Variants in LPIN1 observed in about 807,000 individuals in gnomAD.
LPIN1 encodes the protein phosphatidate phosphatase LPIN1.
Under a neutral mutation model 107.5 loss-of-function variants are expected in LPIN1, and 71 were observed. The ratio of observed to expected loss-of-function variants is 0.66; its 90% CI spans 0.55 to 0.80. LPIN1 has a LOEUF of 0.80. Among genes scored for constraint, LPIN1 ranks in the 30% least tolerant of loss-of-function variants. The pLI is 0.00. For missense variants in LPIN1, 1,043 were observed against 1,160.6 expected, an observed-to-expected ratio of 0.90 and a Z score of 1.47; for synonymous variants, 445 against 452.6, an observed-to-expected ratio of 0.98 and a Z score of 0.21.
At chr2:11,714,239 G>A (rs568732041) in intron 2 of LPIN1, among the ~76,000 whole-genome samples, 1 of 152,216 alleles carries the variant, frequency 6.6e-6, no homozygotes. Flanking sequence ...AGCCCCTCAA[G>A]GCCCTTCCCC....
chr2:11,705,116 A>G lies in LPIN1; in HGVS notation c.82-8640A>G, dbSNP rs1414418214. On this transcript the variant is annotated intron_variant, in intron 1 of 21. Coordinates refer to the LPIN1 transcript ENST00000449576. ...TTTTCACTGGGAAAATTTGATGAAT[A>G]AAGCCATCTCCAGCCCCCTCCCATA... Among the ~76,000 whole-genome samples, 3 of 152,206 alleles carry G rather than the reference A, an allele frequency of 2.0e-5. No individual in the cohort carries two copies. The East Asian group carries it at 5.8e-4, about 29-fold the overall frequency.
rs1682209923 is a variant in LPIN1, at chr2:11,825,157, C to T, written c.*366C>T. 2 of 337,840 alleles carry T rather than the reference C, an allele frequency of 5.9e-6. No homozygotes were observed. Among genetic ancestry groups the T allele is most frequent in the South Asian group, 5.5e-5 (2 of 36,594 alleles). 20.9% of individuals were successfully genotyped at this position (337,840 alleles called of 1,614,324 possible). A position where few individuals can be genotyped will look rare whatever the true frequency, so the allele number is the denominator to read the frequency against. On this transcript the variant is annotated 3_prime_UTR_variant, in exon 21 of 21. Coordinates refer to ENST00000674199, the MANE Select transcript of LPIN1 (RefSeq NM_001349206.2). This position sits in a 1 kb window ranked among gnomAD's most constrained non-coding sequence, Gnocchi z 4.1. Reference sequence around the variant, plus strand: ...AGAAGGCGGCTGTCTGAGGGCTGTCCCCGCCTAGGACAGGGTCAATCGAGG... The same window carrying T: ...AGAAGGCGGCTGTCTGAGGGCTGTCTCCGCCTAGGACAGGGTCAATCGAGG...
At chr2:11,724,543 C>G in intron 1 of LPIN1, 1 of 985,642 alleles carries the variant, frequency 1.0e-6, no homozygotes, top group Non-Finnish European at 1.2e-6. Context: ...GACCCAGGTT[C>G]GCATGAGCAG....
At chr2:11,812,376 A>G (rs969966369) in intron 17 of LPIN1, among the ~76,000 whole-genome samples, 3 of 151,798 alleles carry the variant, frequency 2.0e-5, no homozygotes, top group South Asian at 2.1e-4. Flanking sequence ...CAGTGCTAGG[A>G]GGAGAGGGAA....
chr2:11,776,047 T>A (rs1277393247), intron 5 of LPIN1, 39 bp from the exon 6 acceptor site: 1 of 1,179,824 alleles, frequency 8.5e-7, no homozygotes, highest in South Asian at 1.4e-5. Context: ...ACCTCTGATT[T>A]TGTCTTTCTT....
rs1034326065 is a variant in LPIN1, at chr2:11,707,409, T to A, written c.82-6347T>A. On this transcript the variant is annotated intron_variant, in intron 1 of 21. Transcript: ENST00000449576. This position sits in a 1 kb window ranked among gnomAD's most constrained non-coding sequence, Gnocchi z 4.2. ...TGGATGATGAAGAGGTGGCAGGAGGTGAGTCCGGAACCGTGGCCAGACCCC... is the reference window on the plus strand; with the variant it reads ...TGGATGATGAAGAGGTGGCAGGAGGAGAGTCCGGAACCGTGGCCAGACCCC... 2.6e-5 allele frequency among the ~76,000 whole-genome samples: 4 copies of A among 152,014 alleles called. No individual in the cohort carries two copies. Among genetic ancestry groups the A allele is most frequent in the Non-Finnish European group, 5.9e-5 (4 of 67,996 alleles).
intron 1 of LPIN1, among the ~76,000 whole-genome samples, chr2:11,739,865 C>T (rs867858322): frequency 2.6e-5 from 4 of 152,098 alleles, no homozygotes; most frequent in Admixed American, 6.5e-5. Context: ...TAACCATATG[C>T]GAATGACATT....
In LPIN1 at chr2:11,707,675, T is replaced by C. The variant is rs962084817; in HGVS notation, c.82-6081T>C. 1.2e-4 allele frequency among the ~76,000 whole-genome samples: 18 copies of C among 152,056 alleles called. No homozygotes were observed. Among genetic ancestry groups the C allele is most frequent in the Non-Finnish European group, 2.2e-4 (15 of 67,994 alleles). On this transcript the variant is annotated intron_variant, in intron 1 of 21. Transcript: ENST00000449576. This position sits in a 1 kb window ranked among gnomAD's most constrained non-coding sequence, Gnocchi z 4.2. ...GGGAGAAGTGCTCGGGGTCCCCCACTGGAGGTGGAGCTGCAGGATTTGCTT... is the reference window on the plus strand; with the variant it reads ...GGGAGAAGTGCTCGGGGTCCCCCACCGGAGGTGGAGCTGCAGGATTTGCTT...
chr2:11,789,120 A>T (rs539758587), intron 12 of LPIN1, among the ~76,000 whole-genome samples: 2 of 152,200 alleles, frequency 1.3e-5, no homozygotes, highest in Non-Finnish European at 2.9e-5. Flanking sequence ...TGCTGCAGAG[A>T]CTGCCTTAGG....
At chr2:11,802,492 A>G (rs1418631821) in intron 14 of LPIN1, among the ~76,000 whole-genome samples, 1 of 152,142 alleles carries the variant, frequency 6.6e-6, no homozygotes, top group Non-Finnish European at 1.5e-5. Flanking sequence ...CGAGCTTTAT[A>G]TAGGGAACTG....
At chr2:11,820,034 G>A (rs1681249965) in intron 19 of LPIN1, among the ~76,000 whole-genome samples, 1 of 152,152 alleles carries the variant, frequency 6.6e-6, no homozygotes, top group Non-Finnish European at 1.5e-5. Flanking sequence ...CGCATTTACT[G>A]GAAAGCTAAG....
At chr2:11,703,138 G>A (rs947924480) in intron 1 of LPIN1, among the ~76,000 whole-genome samples, 2 of 152,122 alleles carry the variant, frequency 1.3e-5, no homozygotes, top group African/African-American at 4.8e-5. Context: ...TGTAATAAAG[G>A]CATTGAAAAA....
chr2:11,794,532 A>G (rs541756564), intron 13 of LPIN1, among the ~76,000 whole-genome samples: 5 of 152,354 alleles, frequency 3.3e-5, no homozygotes, highest in African/African-American at 1.2e-4. Context: ...GGATATTTGA[A>G]CTTAGTTCAT....
rs1475167331 is a variant in LPIN1, at chr2:11,759,140, T to G, written c.-9-6393T>G. 6.5e-3 allele frequency among the ~76,000 whole-genome samples: 544 copies of G among 83,506 alleles called. 2 individuals are homozygous for G. Among genetic ancestry groups the G allele is most frequent in the South Asian group, 0.022 (58 of 2,670 alleles). 54.8% of individuals were successfully genotyped at this position (83,506 alleles called of 152,430 possible). On this transcript the variant is annotated intron_variant, in intron 1 of 20. Coordinates refer to ENST00000674199, the MANE Select transcript of LPIN1 (RefSeq NM_001349206.2). ...GCTAGCTTGCTTTCTTTCTTTTCTT[T>G]CTTTCTTTCTTTCTTTCTTTCTTTC...
rs370470674 is a variant in LPIN1, at chr2:11,795,482, C to G, written c.1881C>G (p.Ala627=). ...TGEQPPQLSL[A]TRVKHESSSS... ...AGCAACCGCCGCAGCTCAGCTTGGC[C>G]ACCAGGTGCGGTAGGAGGCTTCTTG... The change falls in exon 14 of 21, where the codon GCC becomes GCG. Residue 627 remains alanine, a synonymous_variant. Coordinates refer to ENST00000674199, the MANE Select transcript of LPIN1 (RefSeq NM_001349206.2). The G allele has an allele frequency of 7.4e-6, 12 of 1,613,938 alleles. No individual in the cohort carries two copies. The African/African-American group carries it at 1.6e-4, about 22-fold the overall frequency.
chr2:11,677,746 G>A (rs1661503241), intron 1 of LPIN1: 2 of 1,531,962 alleles, frequency 1.3e-6, no homozygotes, highest in Non-Finnish European at 1.7e-6. Context: ...CCGGCCATGT[G>A]GCCATCTGCA....
intron 18 of LPIN1, chr2:11,818,601 AT>A (rs974356160): frequency 4.6e-5 from 7 of 151,942 alleles, no homozygotes; most frequent in African/African-American, 1.7e-4. Context: ...TAATGTGCAT[AT>A]TTGTTTTTTG....
At chr2:11,760,746 C>T (rs1274261443) in intron 1 of LPIN1, among the ~76,000 whole-genome samples, 2 of 152,090 alleles carry the variant, frequency 1.3e-5, no homozygotes, top group East Asian at 1.9e-4. Context: ...TAATGCTGCC[C>T]TTATGTCTCT....
At chr2:11,779,485 C>T in intron 6 of LPIN1, 34 bp from the exon 7 acceptor site, 1 of 1,610,864 alleles carries the variant, frequency 6.2e-7, no homozygotes, top group South Asian at 1.1e-5. Context: ...AGTTTCTTTT[C>T]CCACCTTAAT....
Sources: allele counts gnomAD v4.1 joint callset (sites outside exome capture counted in the v4.1 genomes callset), GRCh38; gene constraint gnomAD v4.1.1; non-coding constraint Gnocchi (gnomAD v3.1); transcripts MANE v1.5; gene names NCBI Gene and HGNC (gene_info 2026-07-23, HGNC 2026-07-21).